The following DGKB variants were observed in gnomAD, a reference collection of about 807,000 sequenced individuals.
DGKB encodes the protein diacylglycerol kinase beta.
In DGKB, 67 loss-of-function variants were observed where a neutral mutation model predicts 114.3. That is an observed-to-expected ratio of 0.59 (90% CI 0.48 to 0.72). DGKB has a LOEUF of 0.72. DGKB is among the 30% of genes least tolerant of loss of function. DGKB has a pLI of 0.00. For synonymous variants in DGKB, 398 were observed against 323.1 expected (o/e 1.23, Z -2.49); for missense variants, 907 against 975.2 (o/e 0.93, Z 0.93).
chr7:14,510,409 C>CT (rs375337570), intron 20 of DGKB, among the ~76,000 whole-genome samples: 34 of 152,132 alleles, frequency 2.2e-4, no homozygotes, highest in African/African-American at 7.0e-4. Context: ...CAAGAAACCA[C>CT]TTTTTTTGGC....
intron 13 of DGKB, among the ~76,000 whole-genome samples, chr7:14,653,523 G>A (rs1191419848): frequency 6.6e-6 from 1 of 151,836 alleles, no homozygotes; most frequent in Non-Finnish European, 1.5e-5. Flanking sequence ...GGGTAGGGGG[G>A]AGGGATAGCA....
intron 23 of DGKB, among the ~76,000 whole-genome samples, chr7:14,213,664 G>C (rs555482883): frequency 6.6e-6 from 1 of 152,162 alleles, no homozygotes; most frequent in South Asian, 2.1e-4. Context: ...TGTGGGAACT[G>C]GGACTTCAGG....
intron 9 of DGKB, among the ~76,000 whole-genome samples, chr7:14,693,305 G>A (rs1823216808): frequency 6.6e-6 from 1 of 151,696 alleles, no homozygotes; most frequent in African/African-American, 2.4e-5. Context: ...TAAAAATCTG[G>A]CATACACTAT....
rs1781646146 is a variant in DGKB, at chr7:14,147,861, G to A, written c.*1270C>T. The A allele has an allele frequency of 1.3e-5, 2 of 152,260 alleles. No homozygotes were observed. Among genetic ancestry groups the A allele is most frequent in the African/African-American group, 2.4e-5 (1 of 41,346 alleles). 9.4% of individuals were successfully genotyped at this position (152,260 alleles called of 1,614,324 possible). On this transcript the variant is annotated 3_prime_UTR_variant, in exon 26 of 26. Coordinates refer to ENST00000402815, the MANE Select transcript of DGKB (RefSeq NM_001350709.2). Reference sequence around the variant, plus strand: ...TTAAACAGTCAGAGACTCCAACTATGCCATGAACACCTTCAACAGTGATCT... The same window carrying A: ...TTAAACAGTCAGAGACTCCAACTATACCATGAACACCTTCAACAGTGATCT...
At chr7:14,597,278 A>G (rs1802746785) in intron 17 of DGKB, among the ~76,000 whole-genome samples, 1 of 152,228 alleles carries the variant, frequency 6.6e-6, no homozygotes, top group Non-Finnish European at 1.5e-5. Flanking sequence ...AATGAAAAAT[A>G]CATGACTCAT....
intron 21 of DGKB, among the ~76,000 whole-genome samples, chr7:14,446,460 C>G (rs191895133): frequency 1.3e-5 from 2 of 152,182 alleles, no homozygotes; most frequent in Admixed American, 1.3e-4. Flanking sequence ...TTAATTTTTA[C>G]CACCTTTCAT....
chr7:14,370,964 G>A (rs1014745542), intron 21 of DGKB, among the ~76,000 whole-genome samples: 1 of 152,046 alleles, frequency 6.6e-6, no homozygotes, highest in Non-Finnish European at 1.5e-5. Flanking sequence ...ATGACCTCCA[G>A]CTACATATAT....
intron 21 of DGKB, among the ~76,000 whole-genome samples, chr7:14,353,335 A>G (rs1021313917): frequency 1.3e-5 from 2 of 152,194 alleles, no homozygotes; most frequent in African/African-American, 2.4e-5. Flanking sequence ...CCTAGAGCTG[A>G]CTAATGGAAC....
chr7:14,920,539 T>C (rs1784462640), intron 1 of DGKB, among the ~76,000 whole-genome samples: 2 of 152,182 alleles, frequency 1.3e-5, no homozygotes, highest in South Asian at 4.1e-4. Flanking sequence ...CTTCATTCAT[T>C]GCTAGTGGGA....
intron 2 of DGKB, among the ~76,000 whole-genome samples, chr7:14,790,498 TTTG>T (rs61430679): frequency 0.36 from 55,145 of 151,504 alleles, 11,533 homozygotes; most frequent in African/African-American, 0.59. Context: ...GCTCATTTTT[TTTG>T]TTGTTGTTGG....
chr7:14,614,473 T>G (rs1253771212), intron 15 of DGKB, among the ~76,000 whole-genome samples: 2 of 152,146 alleles, frequency 1.3e-5, no homozygotes, highest in African/African-American at 4.8e-5. Context: ...AATCTGCTTT[T>G]TTGAAAGTAC....
intron 9 of DGKB, among the ~76,000 whole-genome samples, chr7:14,689,196 C>CTTTTTTTTTTTTTTTT (rs1554599070): frequency 1.2e-5 from 1 of 80,302 alleles, no homozygotes; most frequent in Non-Finnish European, 2.5e-5. Flanking sequence ...AGAAACTCCT[C>CTTTTTTTTTTTTTTTT]TTATTTTTTT....
intron 23 of DGKB, among the ~76,000 whole-genome samples, chr7:14,213,267 T>C (rs1404709050): frequency 6.6e-6 from 1 of 152,118 alleles, no homozygotes; most frequent in African/African-American, 2.4e-5. Context: ...TATTTAAAGT[T>C]GCGCTTTCTC....
chr7:14,703,925 T>A (rs1012678853), intron 6 of DGKB, among the ~76,000 whole-genome samples: 2 of 152,226 alleles, frequency 1.3e-5, no homozygotes, highest in African/African-American at 2.4e-5. Context: ...CTTACTATTG[T>A]AATATTACAC....
At chr7:14,755,582 A>T (rs1834756949) in intron 3 of DGKB, among the ~76,000 whole-genome samples, 1 of 152,138 alleles carries the variant, frequency 6.6e-6, no homozygotes, top group South Asian at 2.1e-4. Flanking sequence ...CAGCCAATGC[A>T]GAGTGATAAC....
chr7:14,277,021 A>G (rs1799111728), intron 23 of DGKB, among the ~76,000 whole-genome samples: 1 of 152,036 alleles, frequency 6.6e-6, no homozygotes, highest in Non-Finnish European at 1.5e-5. Flanking sequence ...AAAATATAAG[A>G]TATATTATTA....
chr7:14,877,441 G>C (rs1178997403), intron 1 of DGKB, among the ~76,000 whole-genome samples: 1 of 152,152 alleles, frequency 6.6e-6, no homozygotes, highest in African/African-American at 2.4e-5. Flanking sequence ...TGTAATCCCA[G>C]CTACCCAGGA....
chr7:14,890,966 A>C (rs113586698), intron 1 of DGKB, among the ~76,000 whole-genome samples: 5 of 151,454 alleles, frequency 3.3e-5, no homozygotes, highest in Non-Finnish European at 1.5e-5. Context: ...AAATAATTTC[A>C]TTCTCTCAAA....
At chr7:14,758,267 A>G (rs759891573) in intron 2 of DGKB, among the ~76,000 whole-genome samples, 4 of 152,096 alleles carry the variant, frequency 2.6e-5, no homozygotes, top group Non-Finnish European at 5.9e-5. Context: ...TTTCTTCAAA[A>G]GTACTATTAT....
Sources: allele counts gnomAD v4.1 joint callset (sites outside exome capture counted in the v4.1 genomes callset), GRCh38; gene constraint gnomAD v4.1.1; transcripts MANE v1.5; gene names NCBI Gene and HGNC (gene_info 2026-07-23, HGNC 2026-07-21).